The following GPC3 variants were observed in gnomAD, a reference collection of about 807,000 sequenced individuals.
GPC3 encodes glypican-3.
Under a neutral mutation model 34.4 loss-of-function variants are expected in GPC3, and 3 were observed. The observed-to-expected ratio is 0.09, with a 90% CI of 0.04 to 0.23. The LOEUF (loss-of-function observed/expected upper bound fraction) is 0.23. Ranked by LOEUF, GPC3 falls within the 10% of genes least tolerant of loss-of-function variation. The pLI is 1.00. For missense variants in GPC3, 351 were observed against 445.6 expected, an observed-to-expected ratio of 0.79 and a Z score of 1.91; for synonymous variants, 177 against 174.0, an observed-to-expected ratio of 1.02 and a Z score of -0.13.
At chrX:133,935,660 A>ATTT (rs2076320233) in intron 2 of GPC3, among the ~76,000 whole-genome samples, 1 of 111,320 alleles carries the variant, frequency 9.0e-6, no homozygotes, top group Non-Finnish European at 1.9e-5. Flanking sequence ...GTTGAATATG[A>ATTT]TTTTTTAAAG....
chrX:133,850,977 G>T (rs1033079850), intron 2 of GPC3, among the ~76,000 whole-genome samples: 1 of 109,915 alleles, frequency 9.1e-6, no homozygotes, highest in Non-Finnish European at 1.9e-5. Flanking sequence ...GGTGGCGGGC[G>T]CCTATTGTCC....
chrX:133,830,085 G>C (rs944400698), intron 2 of GPC3, among the ~76,000 whole-genome samples: 5 of 111,696 alleles, frequency 4.5e-5, no homozygotes, highest in African/African-American at 1.6e-4. Flanking sequence ...TGAAAAAGAA[G>C]AATAAAATTG....
chrX:133,545,027 G>A (rs974574985), intron 7 of GPC3, among the ~76,000 whole-genome samples: 1 of 111,667 alleles, frequency 9.0e-6, no homozygotes, highest in Non-Finnish European at 1.9e-5. Context: ...GCCTGAGGCT[G>A]CCTAACAGCT....
At chrX:133,748,883 G>A (rs1026511455) in intron 3 of GPC3, among the ~76,000 whole-genome samples, 3 of 111,663 alleles carry the variant, frequency 2.7e-5, no homozygotes, top group African/African-American at 9.8e-5. Flanking sequence ...TCCAACCTCT[G>A]GGGCTTATTT....
chrX:133,659,591 T>C (rs2070698626), intron 6 of GPC3, among the ~76,000 whole-genome samples: 1 of 111,950 alleles, frequency 8.9e-6, no homozygotes, highest in Admixed American at 9.5e-5. Context: ...TTTATCTTTA[T>C]TTAACCACTT....
intron 3 of GPC3, among the ~76,000 whole-genome samples, chrX:133,750,743 C>A (rs1317672802): frequency 9.0e-6 from 1 of 111,634 alleles, no homozygotes; most frequent in African/African-American, 3.3e-5. Flanking sequence ...GCGCTTAATT[C>A]TTTACAAGTT....
chrX:133,793,963 C>T (rs2075562644), intron 2 of GPC3, among the ~76,000 whole-genome samples: 1 of 111,557 alleles, frequency 9.0e-6, no homozygotes, highest in South Asian at 3.8e-4. Context: ...CAAATGTATC[C>T]CTTTTAGCAT....
chrX:133,876,529 T>C (rs1473108370), intron 2 of GPC3, among the ~76,000 whole-genome samples: 1 of 112,356 alleles, frequency 8.9e-6, no homozygotes, highest in Admixed American at 9.5e-5. Flanking sequence ...AAAACAATGT[T>C]ATCACATTTA....
rs145165293 is a variant in GPC3, at chrX:133,911,293, T to C, written c.337+41757A>G. On this transcript the variant is annotated intron_variant, in intron 2 of 7. Transcript: ENST00000370818. ...CATTGAGCCTCAAATACATGCTAGG[T>C]ACTGTGCTAGTTGTGAACAGATCAC... Among the ~76,000 whole-genome samples, 594 of 111,969 alleles carry C rather than the reference T, an allele frequency of 5.3e-3. 6 individuals carry two copies. Among genetic ancestry groups the C allele is most frequent in the African/African-American group, 0.018 (561 of 30,848 alleles).
intron 2 of GPC3, among the ~76,000 whole-genome samples, chrX:133,918,180 A>G (rs1373909517): frequency 2.7e-5 from 3 of 112,504 alleles, no homozygotes; most frequent in Non-Finnish European, 5.6e-5. Context: ...TTATTCTTTT[A>G]TGACTACTTA....
intron 2 of GPC3, among the ~76,000 whole-genome samples, chrX:133,946,481 C>T (rs1569457967): frequency 9.0e-6 from 1 of 111,195 alleles, no homozygotes; most frequent in African/African-American, 3.3e-5. Context: ...CATCTCTCTC[C>T]AATACAGTAC....
intron 2 of GPC3, among the ~76,000 whole-genome samples, chrX:133,932,977 G>A (rs1483380979): frequency 2.7e-5 from 3 of 111,158 alleles, no homozygotes; most frequent in Non-Finnish European, 3.8e-5. Context: ...TTATATAAGT[G>A]TGCATATAGC....
chrX:133,806,069 A>G (rs2075633945), intron 2 of GPC3, among the ~76,000 whole-genome samples: 1 of 112,337 alleles, frequency 8.9e-6, no homozygotes, highest in South Asian at 3.7e-4. Context: ...AAAGTAAATT[A>G]CTTCATGCCA....
chrX:133,700,031 GA>G lies in GPC3; in HGVS notation c.1033-4del. On this transcript the variant is annotated splice_polypyrimidine_tract_variant and splice_region_variant and intron_variant, in intron 3 of 7. Transcript: ENST00000370818. ...GAATGGGCACATAACTTGCCAATCT[GA>G]AAAAAGAAATGCAATATAATTATAT... 1 of 1,175,381 alleles carries G rather than the reference GA, an allele frequency of 8.5e-7. No individual in the cohort carries two copies. The highest frequency in any genetic ancestry group is 1.2e-6 in the Non-Finnish European group (1 of 864,027).
At chrX:133,660,092 C>G (rs1353156617) in intron 6 of GPC3, among the ~76,000 whole-genome samples, 1 of 112,070 alleles carries the variant, frequency 8.9e-6, no homozygotes, top group African/African-American at 3.2e-5. Flanking sequence ...TAAGTGCTCA[C>G]TGAGTACAGA....
intron 3 of GPC3, among the ~76,000 whole-genome samples, chrX:133,710,078 C>T (rs1197890367): frequency 8.9e-6 from 1 of 111,786 alleles, no homozygotes; most frequent in Non-Finnish European, 1.9e-5. Flanking sequence ...TAAAAGCTCA[C>T]TAATAATCTG....
At chrX:133,756,512 C>A (rs916781724) in intron 2 of GPC3, among the ~76,000 whole-genome samples, 1 of 112,050 alleles carries the variant, frequency 8.9e-6, no homozygotes, top group African/African-American at 3.2e-5. Context: ...ATCCAAGCAT[C>A]CCTAAAATGA....
chrX:133,555,585 T>G (rs960020963), intron 7 of GPC3, among the ~76,000 whole-genome samples: 1 of 111,587 alleles, frequency 9.0e-6, no homozygotes, highest in African/African-American at 3.3e-5. Flanking sequence ...CCCAGCACTT[T>G]GGGAGGCCAA....
At chrX:133,919,950 G>A (rs943226331) in intron 2 of GPC3, among the ~76,000 whole-genome samples, 6 of 108,809 alleles carry the variant, frequency 5.5e-5, no homozygotes, top group African/African-American at 1.0e-4. Flanking sequence ...GCTTGAGCTC[G>A]GGAGTTCAAG....
Sources: allele counts gnomAD v4.1 joint callset (sites outside exome capture counted in the v4.1 genomes callset), GRCh38; gene constraint gnomAD v4.1.1; transcripts MANE v1.5; gene names NCBI Gene and HGNC (gene_info 2026-07-23, HGNC 2026-07-21).